The following ABCC3 variants were observed in gnomAD, a reference collection of about 807,000 sequenced individuals.
ABCC3 encodes the protein ATP-binding cassette sub-family C member 3.
Under a neutral mutation model 165.3 loss-of-function variants are expected in ABCC3, and 121 were observed. The ratio of observed to expected loss-of-function variants is 0.73; its 90% CI spans 0.63 to 0.85. ABCC3 has a LOEUF of 0.85. ABCC3 is among the 40% of genes least tolerant of loss of function. The pLI is 0.00. For synonymous variants in ABCC3, 733 were observed against 810.1 expected (o/e 0.90, Z 1.62); for missense variants, 1,869 against 1,964.1 (o/e 0.95, Z 0.92).
chr17:50,641,992 G>A (rs1359620955), intron 1 of ABCC3, among the ~76,000 whole-genome samples: 1 of 148,814 alleles, frequency 6.7e-6, no homozygotes, highest in Non-Finnish European at 1.5e-5. Flanking sequence ...GATTACAGTG[G>A]GGAAAAAAAA....
chr17:50,670,176 G>A (rs1050402899), intron 17 of ABCC3, among the ~76,000 whole-genome samples: 4 of 151,920 alleles, frequency 2.6e-5, no homozygotes, highest in Non-Finnish European at 5.9e-5. Flanking sequence ...TCCACCTCCC[G>A]GGTTCAAGCA....
intron 1 of ABCC3, among the ~76,000 whole-genome samples, chr17:50,648,304 C>T (rs750788997): frequency 2.0e-5 from 3 of 152,026 alleles, no homozygotes; most frequent in East Asian, 1.9e-4. Flanking sequence ...TGTAAAAGCT[C>T]GGGGATTGGA....
intron 17 of ABCC3, among the ~76,000 whole-genome samples, chr17:50,672,107 G>A (rs541423975): frequency 6.6e-6 from 1 of 152,060 alleles, no homozygotes; most frequent in African/African-American, 2.4e-5. Flanking sequence ...TCCATAAATG[G>A]ATCAACCATT....
In ABCC3 at chr17:50,675,954, G is replaced by A. The variant is rs139036111; in HGVS notation, c.2931G>A (p.Leu977=). 53 of 1,614,070 alleles carry A rather than the reference G, an allele frequency of 3.3e-5. No homozygotes were observed. Among genetic ancestry groups the A allele is most frequent in the Non-Finnish European group, 4.4e-5 (52 of 1,180,052 alleles). The part of the protein sequence containing the change: ...GLCTTLAICL[L]YVGQSAAAIG... ...GTACCACGCTGGCCATCTGTCTCCT[G>A]TATGTGGGTCAAAGTGCGGCTGCCA... Residue 977 remains leucine (L), a synonymous_variant, in exon 22 of 31, where the codon CTG becomes CTA. Coordinates refer to ENST00000285238, the MANE Select transcript of ABCC3 (RefSeq NM_003786.4).
At chr17:50,662,637 C>CAAAA (rs60389534) in intron 8 of ABCC3, among the ~76,000 whole-genome samples, 27 of 74,828 alleles carry the variant, frequency 3.6e-4, no homozygotes, top group African/African-American at 7.5e-4. Flanking sequence ...GACCCTGTCT[C>CAAAA]AAAAAAAAAA....
chr17:50,668,988 C>A, intron 15 of ABCC3, 69 bp downstream of exon 15: 1 of 1,596,754 alleles, frequency 6.3e-7, no homozygotes, highest in Admixed American at 1.7e-5. Flanking sequence ...ATAGCAGCAC[C>A]CTGCAAAGCC....
intron 1 of ABCC3, among the ~76,000 whole-genome samples, chr17:50,650,831 G>A (rs1967100167): frequency 6.6e-6 from 1 of 151,910 alleles, no homozygotes; most frequent in African/African-American, 2.4e-5. Context: ...TTTGGAGTCC[G>A]AGGTAGGCAG....
Position 50,660,975 on chromosome 17 carries a change from C to T in ABCC3, c.859C>T (p.Leu287=). The T allele has an allele frequency of 6.2e-7, 1 of 1,613,824 alleles. No individual in the cohort carries two copies. Residue 287 remains leucine, a synonymous_variant, in exon 8 of 31, where the codon CTG becomes TTG. Coordinates refer to ENST00000285238, the MANE Select transcript of ABCC3 (RefSeq NM_003786.4). ...AAATGCCTCCGGCGAGGACGAGGTG[C>T]TGCTGGGTGCCCGGCCCAGGCCCCG... ...GKNASGEDEV[L]LGARPRPRKP... is the part of the protein sequence containing the mutation.
intron 6 of ABCC3, among the ~76,000 whole-genome samples, chr17:50,658,809 C>G (rs1173872573): frequency 3.9e-5 from 6 of 152,254 alleles, no homozygotes; most frequent in Admixed American, 1.3e-4. Flanking sequence ...AAACTTGCAG[C>G]CTGTCATCTC....
chr17:50,672,877 A>G, intron 17 of ABCC3, 94 bp from the exon 18 acceptor site: 1 of 1,277,764 alleles, frequency 7.8e-7, no homozygotes, highest in South Asian at 1.5e-5. Flanking sequence ...CAGGAAAAAA[A>G]AAAAAAAATC....
In ABCC3 at chr17:50,673,601, T is replaced by C; in HGVS notation, c.2542T>C (p.Phe848Leu). 1 of 1,614,158 alleles carries C rather than the reference T, an allele frequency of 6.2e-7. No individual in the cohort carries two copies. The highest frequency in any genetic ancestry group is 8.5e-7 in the Non-Finnish European group (1 of 1,180,014). ...LLQRNGSFAN[F>L]LCNYAPDEDQ... ...GCAGCGCAACGGCTCCTTTGCCAACTTTCTCTGCAACTATGCCCCCGATGA... is the reference window on the plus strand; with the variant it reads ...GCAGCGCAACGGCTCCTTTGCCAACCTTCTCTGCAACTATGCCCCCGATGA... The change falls in exon 19 of 31, where the codon TTT becomes CTT. Residue 848 changes from phenylalanine (F) to leucine (L), a missense_variant. Transcript: ENST00000285238.
intron 1 of ABCC3, among the ~76,000 whole-genome samples, chr17:50,640,571 T>A (rs2054219157): frequency 6.6e-6 from 1 of 152,226 alleles, no homozygotes; most frequent in South Asian, 2.1e-4. Context: ...CTGGCTGGAG[T>A]GCAGTGGCGT....
At chr17:50,656,591 G>A in intron 2 of ABCC3, 111 bp from the exon 3 acceptor site, 12 of 1,434,016 alleles carry the variant, frequency 8.4e-6, no homozygotes, top group Non-Finnish European at 1.1e-5. Flanking sequence ...CTCAGTGCCA[G>A]TCCCAGGCAG....
At chr17:50,660,177 T>C (rs996680690) in intron 7 of ABCC3, among the ~76,000 whole-genome samples, 1 of 152,086 alleles carries the variant, frequency 6.6e-6, no homozygotes, top group African/African-American at 2.4e-5. Context: ...AGCACACCCC[T>C]GCCAATTCTG....
chr17:50,677,641 G>A (rs2240802), intron 23 of ABCC3, 103 bp from the exon 24 acceptor site: 318,392 of 1,176,084 alleles, frequency 0.27, 44,078 homozygotes, highest in Middle Eastern at 0.31. Flanking sequence ...TGGGAGTGAG[G>A]CTGGCTGGGA....
Position 50,659,182 on chromosome 17 carries a change from G to C in ABCC3, c.675-55G>C, listed in dbSNP as rs1967322740. ...TGGAGACACTGACCCTTGGCTCCAGGCTGCTAAACCCTGACCCTCTGCGGG... is the reference window on the plus strand; with the variant it reads ...TGGAGACACTGACCCTTGGCTCCAGCCTGCTAAACCCTGACCCTCTGCGGG... On this transcript the variant is annotated intron_variant, in intron 6 of 30. Coordinates refer to ENST00000285238, the MANE Select transcript of ABCC3 (RefSeq NM_003786.4). 1.9e-6 allele frequency: 3 copies of C among 1,594,036 alleles called. No individual in the cohort carries two copies. In the African/African-American group the frequency reaches 4.0e-5, roughly 21 times the overall value.
At position 50,673,148 on chromosome 17, in the gene ABCC3, G is replaced by GC; in HGVS notation, c.2409+12dup. The GC allele has an allele frequency of 6.2e-7, 1 of 1,613,354 alleles. No homozygotes were observed. The highest frequency in any genetic ancestry group is 8.5e-7 in the Non-Finnish European group (1 of 1,180,020). ...CGTGCTGGCAGGCAAGGTGAGGCCT[G>GC]CCAGAGGCTAAGGGGGCTAAGGTGA... On this transcript the variant is annotated intron_variant, in intron 18 of 30. Transcript: ENST00000285238.
At chr17:50,635,071 C>T in intron 1 of ABCC3, 90 bp downstream of exon 1, 11 of 1,220,468 alleles carry the variant, frequency 9.0e-6, no homozygotes, top group Non-Finnish European at 1.1e-5. Flanking sequence ...GCGGGGCCGG[C>T]AGGTATCCCG....
intron 8 of ABCC3, among the ~76,000 whole-genome samples, chr17:50,662,770 A>T (rs569411845): frequency 3.9e-5 from 6 of 152,160 alleles, no homozygotes; most frequent in Non-Finnish European, 7.4e-5. Flanking sequence ...GGAGCTGAAC[A>T]TATCTTTCTG....
Sources: allele counts gnomAD v4.1 joint callset (sites outside exome capture counted in the v4.1 genomes callset), GRCh38; gene constraint gnomAD v4.1.1; transcripts MANE v1.5; gene names NCBI Gene and HGNC (gene_info 2026-07-23, HGNC 2026-07-21).